Variants in MMP26 observed in about 807,000 individuals in gnomAD.
MMP26 encodes matrix metalloproteinase-26.
A neutral mutation model predicts 31.0 loss-of-function variants in MMP26; 33 were observed. The observed-to-expected ratio is 1.06, with a 90% CI of 0.81 to 1.42. The LOEUF is 1.42. MMP26 is among the 40% of genes most tolerant of loss of function. The probability of loss-of-function intolerance (pLI) is 0.00; values close to 1 mark genes in which losing one functional copy is unlikely to be tolerated. For missense variants in MMP26, 347 were observed against 316.1 expected (o/e 1.10, Z -0.74); for synonymous variants, 122 against 114.9 (o/e 1.06, Z -0.40).
intron 2 of MMP26, among the ~76,000 whole-genome samples, chr11:4,867,411 G>T (rs796997914): frequency 0.12 from 4,875 of 42,160 alleles, 141 homozygotes; most frequent in South Asian, 0.37. Context: ...TTTTTTTTTT[G>T]ATGGAGTCTC....
chr11:4,764,996 T>C (rs1238563417), intron 1 of MMP26, among the ~76,000 whole-genome samples: 1 of 152,192 alleles, frequency 6.6e-6, no homozygotes, highest in Non-Finnish European at 1.5e-5. Context: ...TTCAAACATC[T>C]GTTGAGCAAC....
chr11:4,973,938 A>G (rs1846701073), intron 2 of MMP26: 1 of 152,096 alleles, frequency 6.6e-6, no homozygotes, highest in African/African-American at 2.4e-5. Flanking sequence ...CTGTAGAGGT[A>G]TAAGTAGATC....
chr11:4,871,188 A>G (rs911599577), intron 2 of MMP26, among the ~76,000 whole-genome samples: 1 of 152,090 alleles, frequency 6.6e-6, no homozygotes, highest in Non-Finnish European at 1.5e-5. Context: ...TAAGCAGATT[A>G]TTGGTGACAT....
rs71050433 is a variant in MMP26, at chr11:4,819,566, A to ATTTTTTTTTTTTTTTT, written c.-145+52240_-145+52255dup. ...GATGGTCACTGAAATGAGTCGACTGATTTTTTTTTTTTTTTTTTTTTTTTT... is the reference window on the plus strand; with the variant it reads ...GATGGTCACTGAAATGAGTCGACTGATTTTTTTTTTTTTTTTTTTTTTTTTTTTTTTTTTTTTTTTT... On this transcript the variant is annotated intron_variant, in intron 2 of 7. Coordinates refer to ENST00000380390, the MANE Select transcript of MMP26 (RefSeq NM_021801.5). 4.8e-4 allele frequency among the ~76,000 whole-genome samples: 24 copies of ATTTTTTTTTTTTTTTT among 50,302 alleles called. 1 individual carries two copies. The highest frequency in any genetic ancestry group is 6.1e-4 in the African/African-American group (7 of 11,400). The allele number at this position is 50,302 out of a possible 152,430, so 33.0% of individuals were successfully genotyped here.
At chr11:4,760,361 G>C (rs1267383160) in intron 1 of MMP26, among the ~76,000 whole-genome samples, 1 of 152,130 alleles carries the variant, frequency 6.6e-6, no homozygotes, top group Non-Finnish European at 1.5e-5. Flanking sequence ...CAGCATCTGT[G>C]GAATGTTACA....
rs77765035 is a variant in MMP26 at position 4,735,031 on chromosome 11, C to T, written c.-217+29986C>T. On this transcript the variant is annotated intron_variant, in intron 1 of 7. Coordinates refer to ENST00000380390, the MANE Select transcript of MMP26 (RefSeq NM_021801.5). The stretch of plus-strand genomic sequence containing the variant: ...GAGGTTAGCTTCTGCAATATGGAGC[C>T]GGGGTGAGACATATTGGTGGTCTGG... Among the ~76,000 whole-genome samples the T allele has an allele frequency of 7.8e-4, 118 of 152,212 alleles. 1 individual carries two copies. Among genetic ancestry groups the T allele is most frequent in the African/African-American group, 2.6e-3 (110 of 41,534 alleles).
intron 2 of MMP26, among the ~76,000 whole-genome samples, chr11:4,805,133 A>G (rs1245904748): frequency 2.0e-5 from 3 of 152,212 alleles, no homozygotes; most frequent in Non-Finnish European, 4.4e-5. Context: ...ACCTCTGGTT[A>G]GCCACTTGGC....
rs973885017 is a variant in MMP26, at chr11:4,914,797, A to C, written c.-144-73271A>C. On this transcript the variant is annotated intron_variant, in intron 2 of 7. Coordinates refer to ENST00000380390, the MANE Select transcript of MMP26 (RefSeq NM_021801.5). ...TGTAGACAATGGGATTCATCACAGGAGGAAAGAGAAGATACATGAAACCCA... is the reference window on the plus strand; with the variant it reads ...TGTAGACAATGGGATTCATCACAGGCGGAAAGAGAAGATACATGAAACCCA... 1.9e-6 allele frequency: 3 copies of C among 1,613,992 alleles called. No individual in the cohort carries two copies. The Admixed American group carries it at 5.0e-5, about 27-fold the overall frequency.
chr11:4,738,620 C>T (rs936753428), intron 1 of MMP26, among the ~76,000 whole-genome samples: 2 of 152,090 alleles, frequency 1.3e-5, no homozygotes, highest in Non-Finnish European at 2.9e-5. Flanking sequence ...AAGAATTTGG[C>T]TTTTACCTCA....
chr11:4,803,710 A>G, intron 2 of MMP26: 1 of 1,613,968 alleles, frequency 6.2e-7, no homozygotes, highest in East Asian at 2.2e-5. Context: ...AGCTCTCAAA[A>G]TCATCACGTA....
chr11:4,902,630 T>C (rs982874256), intron 2 of MMP26, among the ~76,000 whole-genome samples: 15 of 152,204 alleles, frequency 9.9e-5, no homozygotes, highest in Non-Finnish European at 2.1e-4. Context: ...TGCAAATATT[T>C]TCTTCCAATT....
chr11:4,715,357 A>T (rs1847915697), intron 1 of MMP26, among the ~76,000 whole-genome samples: 1 of 144,832 alleles, frequency 6.9e-6, no homozygotes, highest in African/African-American at 2.5e-5. Flanking sequence ...AAAAAAAAGA[A>T]TATAACTCCA....
At chr11:4,720,052 A>AT (rs934108661) in intron 1 of MMP26, among the ~76,000 whole-genome samples, 1 of 152,150 alleles carries the variant, frequency 6.6e-6, no homozygotes, top group African/African-American at 2.4e-5. Flanking sequence ...TGTTCCAAAT[A>AT]TTTTTACTTT....
intron 2 of MMP26, among the ~76,000 whole-genome samples, chr11:4,865,857 AT>A (rs1850227174): frequency 6.6e-6 from 1 of 152,150 alleles, no homozygotes; most frequent in South Asian, 2.1e-4. Flanking sequence ...TCATCAGGAC[AT>A]TTTACAGGGA....
intron 2 of MMP26, chr11:4,860,261 G>C (rs1243666324): frequency 2.1e-6 from 1 of 471,270 alleles, no homozygotes; most frequent in Non-Finnish European, 4.4e-6. Flanking sequence ...AAGAACATCT[G>C]CATGATGCAT....
chr11:4,821,380 T>C (rs994419651), intron 2 of MMP26: 8 of 1,606,894 alleles, frequency 5.0e-6, no homozygotes, highest in African/African-American at 2.7e-5. Context: ...TTATGTGTTA[T>C]GTTAAATGAC....
rs1846400275 is a variant in MMP26 at position 4,954,049 on chromosome 11, GT to G, written c.-144-34018del. On this transcript the variant is annotated intron_variant, in intron 2 of 7. Coordinates refer to ENST00000380390, the MANE Select transcript of MMP26 (RefSeq NM_021801.5). The stretch of plus-strand genomic sequence containing the variant: ...AGCTTGGGCTACAGAGCAAGATTTC[GT>G]CTCAAAAAAAATTTCTTTATTGATT... 4.0e-5 allele frequency among the ~76,000 whole-genome samples: 5 copies of G among 124,970 alleles called. 1 individual carries two copies. The highest frequency in any genetic ancestry group is 3.5e-4 in the Admixed American group (4 of 11,338). 82.0% of individuals were successfully genotyped at this position (124,970 alleles called of 152,430 possible).
Position 4,992,037 on chromosome 11 carries a change from C to T in MMP26, c.669C>T (p.Ser223=), listed in dbSNP as rs765689549. 6.2e-7 allele frequency: 1 copy of T among 1,613,950 alleles called. No individual in the cohort carries two copies. Among genetic ancestry groups the T allele is most frequent in the Admixed American group, 1.7e-5 (1 of 59,990 alleles). The change falls in exon 7 of 8, where the codon AGC becomes AGT. Residue 223 remains serine (S), a synonymous_variant. Coordinates refer to ENST00000380390, the MANE Select transcript of MMP26 (RefSeq NM_021801.5). ...GCCTGCAGCACTCTGGGAATCAGAG[C>T]TCCATAATGTACCCCACTTACTGGT... ...SLGLQHSGNQ[S]SIMYPTYWYH...
At chr11:4,920,049 G>T (rs1212090522) in intron 2 of MMP26, among the ~76,000 whole-genome samples, 1 of 152,168 alleles carries the variant, frequency 6.6e-6, no homozygotes, top group African/African-American at 2.4e-5. Context: ...ACAAGGGTAT[G>T]AAGAGTTAAT....
Sources: allele counts gnomAD v4.1 joint callset (sites outside exome capture counted in the v4.1 genomes callset), GRCh38; gene constraint gnomAD v4.1.1; transcripts MANE v1.5; gene names NCBI Gene and HGNC (gene_info 2026-07-23, HGNC 2026-07-21).